The following NF2 variants were observed in gnomAD, a reference collection of about 807,000 sequenced individuals.
NF2 encodes the protein merlin.
Under a neutral mutation model 83.7 loss-of-function variants are expected in NF2, and 8 were observed. The observed-to-expected ratio is 0.10, with a 90% CI of 0.06 to 0.17. NF2 has a LOEUF of 0.17. Among genes scored for constraint, NF2 ranks in the 10% least tolerant of loss-of-function variants. The pLI, the probability that NF2 is intolerant of heterozygous loss-of-function variation, is 1.00. For missense variants in NF2, 533 were observed against 744.4 expected, an observed-to-expected ratio of 0.72 and a Z score of 3.31; for synonymous variants, 266 against 269.6, an observed-to-expected ratio of 0.99 and a Z score of 0.13.
intron 1 of NF2, among the ~76,000 whole-genome samples, chr22:29,635,478 G>A (rs2065624624): frequency 6.6e-6 from 1 of 151,912 alleles, no homozygotes; most frequent in African/African-American, 2.4e-5. Flanking sequence ...ACAGGCATGC[G>A]CTACCACACC....
chr22:29,637,010 T>C, intron 2 of NF2, 134 bp downstream of exon 2: 1 of 1,343,848 alleles, frequency 7.4e-7, no homozygotes. Context: ...AATTAAGTCA[T>C]GCAGAAAGCA....
chr22:29,620,727 A>G (rs992629713), intron 1 of NF2, among the ~76,000 whole-genome samples: 9 of 148,898 alleles, frequency 6.0e-5, no homozygotes, highest in African/African-American at 2.2e-4. Context: ...TCCGACTCCA[A>G]AAAAAAAAAT....
chr22:29,672,058 T>C, intron 11 of NF2, 110 bp downstream of exon 11: 3 of 1,491,906 alleles, frequency 2.0e-6, no homozygotes, highest in Non-Finnish European at 2.8e-6. Flanking sequence ...TTTGAAATAC[T>C]TAATTTCAGC....
intron 1 of NF2, among the ~76,000 whole-genome samples, chr22:29,632,068 A>G (rs1364839466): frequency 6.6e-6 from 1 of 152,242 alleles, no homozygotes; most frequent in Non-Finnish European, 1.5e-5. Context: ...TGGTCACCAG[A>G]TAACTTTCTG....
chr22:29,668,508 G>A lies in NF2; in HGVS notation c.999+62G>A, dbSNP rs2066693537. ...TGTGGTCAGTCCTGGCCTGGGAGGCGAGGAGTGGTCATGGGCTGGCAGGAG... is the reference window on the plus strand; with the variant it reads ...TGTGGTCAGTCCTGGCCTGGGAGGCAAGGAGTGGTCATGGGCTGGCAGGAG... On this transcript the variant is annotated intron_variant, in intron 10 of 15. Transcript: ENST00000338641. 3.9e-6 allele frequency: 5 copies of A among 1,289,670 alleles called. No homozygotes were observed. The African/African-American group carries it at 4.4e-5, about 11-fold the overall frequency. The allele number at this position is 1,289,670 out of a possible 1,614,324, so 79.9% of individuals were successfully genotyped here. A position where few individuals can be genotyped will look rare whatever the true frequency, so the allele number is the denominator to read the frequency against.
rs531083925 is a variant in NF2, at chr22:29,698,105, G to A, written c.*3303G>A. 1.2e-4 allele frequency: 28 copies of A among 231,262 alleles called. No individual in the cohort carries two copies. The South Asian group carries it at 2.2e-3, about 18-fold the overall frequency. The allele number at this position is 231,262 out of a possible 1,614,324, so 14.3% of individuals were successfully genotyped here. A position where few individuals can be genotyped will look rare whatever the true frequency, so the allele number is the denominator to read the frequency against. ...GCAGCTGTGTGGCACAGATGGCTTC[G>A]TTCATCCTGATCAAGGCCCCACCTC... On this transcript the variant is annotated 3_prime_UTR_variant, in exon 16 of 16. Coordinates refer to ENST00000338641, the MANE Select transcript of NF2 (RefSeq NM_000268.4).
chr22:29,632,725 G>A (rs1186620077), intron 1 of NF2, among the ~76,000 whole-genome samples: 8 of 152,126 alleles, frequency 5.3e-5, no homozygotes, highest in East Asian at 1.9e-4. Context: ...TCCACAGTCC[G>A]TCCTGTGGAC....
At chr22:29,642,783 A>G (rs980542358) in intron 4 of NF2, among the ~76,000 whole-genome samples, 2 of 152,104 alleles carry the variant, frequency 1.3e-5, no homozygotes, top group Non-Finnish European at 2.9e-5. Context: ...TTTGCAAACA[A>G]GCTGCCTTGT....
chr22:29,695,165 G>A lies in NF2; in HGVS notation c.*363G>A. On this transcript the variant is annotated 3_prime_UTR_variant, in exon 16 of 16. Coordinates refer to ENST00000338641, the MANE Select transcript of NF2 (RefSeq NM_000268.4). This position sits in a 1 kb window ranked among gnomAD's most constrained non-coding sequence, Gnocchi z 5.4. ...CCAGCCTGGGAAGTCATTGTAGGGA[G>A]TGAGACACTGAAGCCCTGAGAAGCC... The A allele has an allele frequency of 2.3e-6, 1 of 442,338 alleles. No homozygotes were observed. The highest frequency in any genetic ancestry group is 2.4e-5 in the South Asian group (1 of 41,792). The allele number at this position is 442,338 out of a possible 1,614,324, so 27.4% of individuals were successfully genotyped here. A position where few individuals can be genotyped will look rare whatever the true frequency, so the allele number is the denominator to read the frequency against.
At chr22:29,683,613 T>G (rs2147132438) in intron 15 of NF2, 2 of 1,089,774 alleles carry the variant, frequency 1.8e-6, no homozygotes, top group South Asian at 4.0e-5. Context: ...TCTTTTCAAA[T>G]AAAGCAAACC....
intron 15 of NF2, among the ~76,000 whole-genome samples, chr22:29,686,659 G>A (rs1417218253): frequency 6.6e-6 from 1 of 152,150 alleles, no homozygotes; most frequent in Non-Finnish European, 1.5e-5. Context: ...TAAATAAATA[G>A]CCATAATTAA....
Position 29,631,382 on chromosome 22 carries a change from G to A in NF2, c.115-5369G>A, listed in dbSNP as rs1279403757. Among the ~76,000 whole-genome samples the A allele has an allele frequency of 2.6e-5, 4 of 152,114 alleles. No individual in the cohort carries two copies. The East Asian group carries it at 7.7e-4, about 29-fold the overall frequency. ...ACCTTACTCCCGGAGACCCAGGCCCGAGTTGTGTTGCCACTGTACCCTGTT... is the reference window on the plus strand; with the variant it reads ...ACCTTACTCCCGGAGACCCAGGCCCAAGTTGTGTTGCCACTGTACCCTGTT... On this transcript the variant is annotated intron_variant, in intron 1 of 15. Transcript: ENST00000338641.
At chr22:29,688,417 T>C (rs965685077) in intron 15 of NF2, among the ~76,000 whole-genome samples, 1 of 152,242 alleles carries the variant, frequency 6.6e-6, no homozygotes, top group Admixed American at 6.5e-5. Flanking sequence ...GTTCTCATGA[T>C]CCTTGCTGTG....
rs542552027 is a variant in NF2, at chr22:29,613,819, G to C, written c.114+9707G>C. Reference sequence around the variant, plus strand: ...CTGTCATCTAGGCTGGAGTGCAGTGGTGCAATCTTGGCTCACTGCAACCTC... The same window carrying C: ...CTGTCATCTAGGCTGGAGTGCAGTGCTGCAATCTTGGCTCACTGCAACCTC... On this transcript the variant is annotated intron_variant, in intron 1 of 15. Coordinates refer to ENST00000338641, the MANE Select transcript of NF2 (RefSeq NM_000268.4). 7.9e-5 allele frequency among the ~76,000 whole-genome samples: 12 copies of C among 151,478 alleles called. No homozygotes were observed. The East Asian group carries it at 1.6e-3, about 20-fold the overall frequency.
intron 1 of NF2, among the ~76,000 whole-genome samples, chr22:29,605,958 T>C (rs1169783397): frequency 6.6e-6 from 1 of 151,592 alleles, no homozygotes; most frequent in Non-Finnish European, 1.5e-5. Flanking sequence ...TGGAGCTCTC[T>C]TTTTTTTTCT....
rs1229934044 is a variant in NF2 at position 29,681,582 on chromosome 22, A to C, written c.1718A>C (p.Lys573Thr). 2 of 1,614,134 alleles carry C rather than the reference A, an allele frequency of 1.2e-6. No homozygotes were observed. The highest frequency in any genetic ancestry group is 4.5e-5 in the East Asian group (2 of 44,892). ...AACTCCGACAGGGGTGGCAGCAGCA[A>C]GCACAATACCATTAAAAAGGTACCC... Reference protein sequence around the residue: ...NENSDRGGSSKHNTIKKLTLQ... With the variant: ...NENSDRGGSSTHNTIKKLTLQ... Residue 573 changes from lysine (K) to threonine (T), a missense_variant, in exon 15 of 16, where the codon AAG (lysine) becomes ACG (threonine). Physicochemically the swap from Lys to Thr is moderately conservative, Grantham distance 78 (BLOSUM62 -1). Transcript: ENST00000338641.
intron 1 of NF2, among the ~76,000 whole-genome samples, chr22:29,628,606 G>T (rs1404513678): frequency 6.6e-6 from 1 of 151,190 alleles, no homozygotes; most frequent in Non-Finnish European, 1.5e-5. Flanking sequence ...TTGCAAAGAG[G>T]AGCTTTCAAG....
chr22:29,604,706 G>A (rs1016245157), intron 1 of NF2, among the ~76,000 whole-genome samples: 4 of 152,268 alleles, frequency 2.6e-5, no homozygotes, highest in South Asian at 2.1e-4. Context: ...CTCACAGCCC[G>A]TACAGTACTG....
chr22:29,654,244 T>C (rs2066235564), intron 4 of NF2, among the ~76,000 whole-genome samples: 2 of 152,242 alleles, frequency 1.3e-5, no homozygotes, highest in Non-Finnish European at 2.9e-5. Context: ...CCCCTAGTAA[T>C]GGGCTCCAAT....
Sources: gnomAD v4.1 joint callset for allele counts (sites outside exome capture counted in the v4.1 genomes callset) on GRCh38, gnomAD v4.1.1 for gene constraint, Gnocchi (gnomAD v3.1) non-coding constraint, MANE v1.5 for transcripts, NCBI Gene and HGNC (gene_info 2026-07-23, HGNC 2026-07-21) for gene names.